FARS2: variants seen among roughly 807,000 people sequenced by gnomAD.
The protein encoded by FARS2 is phenylalanyl-tRNA synthetase 2, mitochondrial.
Under a neutral mutation model 46.4 loss-of-function variants are expected in FARS2, and 40 were observed. The ratio of observed to expected loss-of-function variants is 0.86; its 90% CI spans 0.67 to 1.12. The LOEUF (loss-of-function observed/expected upper bound fraction) is 1.12, where lower values mean the gene tolerates loss of function less well. Among genes scored for constraint, FARS2 ranks in the 50% most tolerant of loss-of-function variants. The probability of loss-of-function intolerance (pLI) is 0.00; values close to 1 mark genes in which losing one functional copy is unlikely to be tolerated. For synonymous variants in FARS2, 234 were observed against 214.9 expected (o/e 1.09, Z -0.78); for missense variants, 513 against 567.9 (o/e 0.90, Z 0.98).
rs372088540 is a variant in FARS2 at position 5,311,754 on chromosome 6, C to T, written c.-22+50094C>T. Among the ~76,000 whole-genome samples, 2 of 151,950 alleles carry T rather than the reference C, an allele frequency of 1.3e-5. No individual in the cohort carries two copies. Among genetic ancestry groups the T allele is most frequent in the Non-Finnish European group, 2.9e-5 (2 of 68,002 alleles). ...TTTTGGCATGGAGGGTAAGTGAGAACGTAATGGTTTGTACTTGTTGGGAAG... is the reference window on the plus strand; with the variant it reads ...TTTTGGCATGGAGGGTAAGTGAGAATGTAATGGTTTGTACTTGTTGGGAAG... On this transcript the variant is annotated intron_variant, in intron 1 of 6. Transcript: ENST00000274680. This position sits in a 1 kb window ranked among gnomAD's most constrained non-coding sequence, Gnocchi z 4.1.
intron 6 of FARS2, among the ~76,000 whole-genome samples, chr6:5,704,261 C>A (rs943942162): frequency 9.9e-5 from 15 of 152,182 alleles, no homozygotes; most frequent in African/African-American, 3.6e-4. Context: ...CTTCTTGCTG[C>A]ATCTTTACAT....
chr6:5,770,055 G>A (rs886870677), intron 6 of FARS2, among the ~76,000 whole-genome samples: 1 of 152,074 alleles, frequency 6.6e-6, no homozygotes, highest in Non-Finnish European at 1.5e-5. Flanking sequence ...TTCAGATGAG[G>A]GAGAGGGAGA....
rs150806406 is a variant in FARS2, at chr6:5,680,652, T to G, written c.1217+67332T>G. ...ACCCACAGTCCTACCACCTAATCCATAACCCCTGGTCAACATTTTGGTATA... is the reference window on the plus strand; with the variant it reads ...ACCCACAGTCCTACCACCTAATCCAGAACCCCTGGTCAACATTTTGGTATA... On this transcript the variant is annotated intron_variant, in intron 6 of 6. Transcript: ENST00000274680. Among the ~76,000 whole-genome samples, 697 of 152,240 alleles carry G rather than the reference T, an allele frequency of 4.6e-3. 2 individuals carry two copies. The highest frequency in any genetic ancestry group is 0.01 in the Middle Eastern group (3 of 292).
chr6:5,536,606 T>G (rs1770217137), intron 4 of FARS2, among the ~76,000 whole-genome samples: 1 of 152,186 alleles, frequency 6.6e-6, no homozygotes, highest in Non-Finnish European at 1.5e-5. Context: ...TCAAAATAAA[T>G]ATTATATTTC....
At chr6:5,362,951 G>T (rs1758407082) in intron 1 of FARS2, among the ~76,000 whole-genome samples, 1 of 130,220 alleles carries the variant, frequency 7.7e-6, no homozygotes, top group Non-Finnish European at 1.6e-5. Context: ...TTTTGACATG[G>T]AGTCTCACTC....
At chr6:5,516,592 C>G (rs138959415) in intron 4 of FARS2, among the ~76,000 whole-genome samples, 17 of 152,272 alleles carry the variant, frequency 1.1e-4, no homozygotes, top group Admixed American at 5.9e-4. Context: ...GTCACTTAAA[C>G]TCTTCCACCT....
chr6:5,537,479 G>A lies in FARS2; in HGVS notation c.905-7701G>A, dbSNP rs927638918. The stretch of plus-strand genomic sequence containing the variant: ...CCTCCTCTCGAGCTGGAGATGTCCC[G>A]GGCCTCCTCTCGAGTTGGAGATGTC... On this transcript the variant is annotated intron_variant, in intron 4 of 6. Coordinates refer to ENST00000274680, the MANE Select transcript of FARS2 (RefSeq NM_006567.5). 1.4e-5 allele frequency among the ~76,000 whole-genome samples: 2 copies of A among 147,828 alleles called. 1 individual carries two copies. Among genetic ancestry groups the A allele is most frequent in the South Asian group, 4.4e-4 (2 of 4,578 alleles).
intron 6 of FARS2, among the ~76,000 whole-genome samples, chr6:5,690,594 T>A (rs9405860): frequency 0.45 from 66,418 of 148,726 alleles, 14,806 homozygotes; most frequent in Non-Finnish European, 0.49. Context: ...CTTCCCTTTG[T>A]GGGTAACCCG....
At chr6:5,623,860 A>G (rs950424493) in intron 6 of FARS2, among the ~76,000 whole-genome samples, 1 of 152,174 alleles carries the variant, frequency 6.6e-6, no homozygotes, top group African/African-American at 2.4e-5. Context: ...CTGGTTTGCA[A>G]ATCACATCCT....
At chr6:5,307,825 C>T (rs1381842487) in intron 1 of FARS2, among the ~76,000 whole-genome samples, 2 of 152,098 alleles carry the variant, frequency 1.3e-5, no homozygotes, top group East Asian at 1.9e-4. Flanking sequence ...GGCTAGGACA[C>T]AAGCTGCCGT....
At chr6:5,667,895 G>T (rs1469555784) in intron 6 of FARS2, 1 of 152,252 alleles carries the variant, frequency 6.6e-6, no homozygotes, top group Non-Finnish European at 1.5e-5. Context: ...TTGGCTGCTG[G>T]TGATCGACTC....
intron 3 of FARS2, among the ~76,000 whole-genome samples, chr6:5,425,323 C>G (rs1449275491): frequency 6.6e-6 from 1 of 152,146 alleles, no homozygotes; most frequent in Non-Finnish European, 1.5e-5. Flanking sequence ...TCTTTAAATA[C>G]AAACGGTATG....
At chr6:5,374,457 C>G (rs973299787) in intron 2 of FARS2, among the ~76,000 whole-genome samples, 1 of 152,002 alleles carries the variant, frequency 6.6e-6, no homozygotes, top group Non-Finnish European at 1.5e-5. Flanking sequence ...TAATAGAAAA[C>G]TGAAAGCAAT....
intron 1 of FARS2, among the ~76,000 whole-genome samples, chr6:5,340,868 C>T (rs1444225001): frequency 6.6e-6 from 1 of 151,896 alleles, no homozygotes; most frequent in African/African-American, 2.4e-5. Context: ...GATGAGGAGG[C>T]CGGGCGCGGT....
chr6:5,426,827 T>C (rs370927100), intron 3 of FARS2, among the ~76,000 whole-genome samples: 1 of 152,182 alleles, frequency 6.6e-6, no homozygotes, highest in Non-Finnish European at 1.5e-5. Context: ...GGTTTCACCA[T>C]GTTGGCAAGG....
intron 4 of FARS2, among the ~76,000 whole-genome samples, chr6:5,505,571 T>C (rs1223416400): frequency 6.6e-6 from 1 of 152,212 alleles, no homozygotes; most frequent in African/African-American, 2.4e-5. Context: ...GGGGAACTAA[T>C]AAATGTCCAT....
chr6:5,553,424 GGC>G (rs1459119165), intron 5 of FARS2, among the ~76,000 whole-genome samples: 3 of 152,020 alleles, frequency 2.0e-5, no homozygotes, highest in African/African-American at 7.3e-5. Context: ...TCTGAGTTTG[GGC>G]GCTGTTATTC....
intron 3 of FARS2, among the ~76,000 whole-genome samples, chr6:5,423,739 G>A (rs1008028831): frequency 1.3e-5 from 2 of 152,114 alleles, no homozygotes; most frequent in Non-Finnish European, 2.9e-5. Context: ...ATTCCACTTG[G>A]CACTCTGCAG....
At position 5,545,219 on chromosome 6, in the gene FARS2, G is replaced by T; in HGVS notation, c.944G>T (p.Gly315Val). The T allele has an allele frequency of 6.2e-7, 1 of 1,613,986 alleles. No individual in the cohort carries two copies. Among genetic ancestry groups the T allele is most frequent in the Non-Finnish European group, 8.5e-7 (1 of 1,179,912 alleles). Residue 315 changes from glycine (G) to valine (V), a missense_variant, in exon 5 of 7, where the codon GGA (glycine) becomes GTA (valine). Coordinates refer to ENST00000274680, the MANE Select transcript of FARS2 (RefSeq NM_006567.5). Reference sequence around the variant, plus strand: ...CGAATCGGCTGGGCTTTTGGCCTAGGATTAGAAAGGCTAGCCATGATCCTC... The same window carrying T: ...CGAATCGGCTGGGCTTTTGGCCTAGTATTAGAAAGGCTAGCCATGATCCTC... Reference protein sequence around the residue: ...QDRIGWAFGLGLERLAMILYD... With the variant: ...QDRIGWAFGLVLERLAMILYD...
Sources: allele counts gnomAD v4.1 joint callset (sites outside exome capture counted in the v4.1 genomes callset), GRCh38; gene constraint gnomAD v4.1.1; non-coding constraint Gnocchi (gnomAD v3.1); transcripts MANE v1.5; gene names NCBI Gene and HGNC (gene_info 2026-07-23, HGNC 2026-07-21).